Variants in SCP2 observed in about 807,000 individuals in gnomAD.
SCP2 encodes the protein SCP-2/3-oxoacyl-CoA thiolase.
SCP2 carries 48 observed loss-of-function variants against 71.4 expected under a neutral mutation model. That is an observed-to-expected ratio of 0.67 (90% confidence interval 0.53 to 0.86). The LOEUF (loss-of-function observed/expected upper bound fraction) is 0.86, where lower values mean the gene tolerates loss of function less well. SCP2 is among the 40% of genes least tolerant of loss of function. The probability of loss-of-function intolerance (pLI) is 0.00; values close to 1 mark genes in which losing one functional copy is unlikely to be tolerated. For synonymous variants in SCP2, 220 were observed against 218.1 expected (o/e 1.01, Z -0.08); for missense variants, 560 against 655.6 (o/e 0.85, Z 1.59).
intron 14 of SCP2, among the ~76,000 whole-genome samples, chr1:53,044,684 G>C (rs189583969): frequency 1.8e-3 from 273 of 152,318 alleles, no homozygotes; most frequent in African/African-American, 6.3e-3. Context: ...TTCTTAATGA[G>C]AGGAGGAGCC....
At chr1:52,956,561 A>G (rs1655809495) in intron 5 of SCP2, among the ~76,000 whole-genome samples, 1 of 152,180 alleles carries the variant, frequency 6.6e-6, no homozygotes, top group Non-Finnish European at 1.5e-5. Flanking sequence ...GATCTTAAAG[A>G]TAATTTAGGA....
chr1:53,011,264 A>C (rs993242634), intron 11 of SCP2, among the ~76,000 whole-genome samples: 2 of 152,224 alleles, frequency 1.3e-5, no homozygotes, highest in East Asian at 3.8e-4. Context: ...CTGTCTTGAT[A>C]GTATAGGAAG....
At chr1:52,945,230 C>T (rs868091352) in intron 2 of SCP2, among the ~76,000 whole-genome samples, 1 of 151,966 alleles carries the variant, frequency 6.6e-6, no homozygotes, top group Non-Finnish European at 1.5e-5. Context: ...ACTATGCTGC[C>T]CAGGCTGGAG....
intron 5 of SCP2, among the ~76,000 whole-genome samples, chr1:52,960,927 A>G (rs1422927427): frequency 6.6e-6 from 1 of 151,220 alleles, no homozygotes; most frequent in East Asian, 2.0e-4. Context: ...TAATTTATGT[A>G]TTTTTAGTAG....
At chr1:52,947,129 C>A (rs888266567) in intron 2 of SCP2, among the ~76,000 whole-genome samples, 4 of 148,556 alleles carry the variant, frequency 2.7e-5, no homozygotes, top group Non-Finnish European at 5.9e-5. Context: ...TGTCTCTTAT[C>A]CCCTCACTTT....
chr1:53,037,399 C>A (rs1437935654), intron 13 of SCP2, among the ~76,000 whole-genome samples: 1 of 152,058 alleles, frequency 6.6e-6, no homozygotes, highest in East Asian at 1.9e-4. Context: ...AGCGTATTGT[C>A]ATAGTGATCA....
At chr1:53,013,223 C>G (rs1661097747) in intron 11 of SCP2, among the ~76,000 whole-genome samples, 1 of 150,778 alleles carries the variant, frequency 6.6e-6, no homozygotes, top group South Asian at 2.1e-4. Context: ...TCAGGCCATC[C>G]TCCTTCCTCA....
At chr1:52,980,660 C>T in intron 10 of SCP2, 117 bp downstream of exon 10, 2 of 1,052,422 alleles carry the variant, frequency 1.9e-6, no homozygotes, top group South Asian at 2.6e-5. Context: ...CTCTGCCACA[C>T]TGTGGGAAAT....
chr1:52,974,685 C>A, intron 6 of SCP2, 84 bp from the exon 7 acceptor site: 1 of 788,912 alleles, frequency 1.3e-6, no homozygotes, highest in Non-Finnish European at 2.3e-6. Flanking sequence ...AGATATTTAG[C>A]AGAACACTGA....
rs144993965 is a variant in SCP2 at position 52,997,259 on chromosome 1, C to T, written c.1081+9123C>T. 6.2e-3 allele frequency among the ~76,000 whole-genome samples: 949 copies of T among 152,246 alleles called. 15 individuals carry two copies. The highest frequency in any genetic ancestry group is 0.022 in the African/African-American group (912 of 41,542). On this transcript the variant is annotated intron_variant, in intron 11 of 15. Transcript: ENST00000371514. ...TCTTGGCTCATTGCAACTTCTGCCT[C>T]CCTGGTTCAAGTGATTCTCCTGCCT...
chr1:52,975,777 G>A (rs2150165443), intron 7 of SCP2, among the ~76,000 whole-genome samples: 1 of 152,210 alleles, frequency 6.6e-6, no homozygotes, highest in Non-Finnish European at 1.5e-5. Context: ...TCCCCAACTG[G>A]TCTAACACCA....
In SCP2 at chr1:52,952,009, A is replaced by G. The variant is rs950184964; in HGVS notation, c.331+1123A>G. Among the ~76,000 whole-genome samples, 3 of 151,980 alleles carry G rather than the reference A, an allele frequency of 2.0e-5. No homozygotes were observed. The East Asian group carries it at 5.8e-4, about 29-fold the overall frequency. On this transcript the variant is annotated intron_variant, in intron 4 of 15. Coordinates refer to ENST00000371514, the MANE Select transcript of SCP2 (RefSeq NM_002979.5). ...GCTGGGATTACACCTTGGCCTCACA[A>G]AGTGAGGTGTGAGGCTTACCTTGGC...
chr1:52,974,916 C>T, intron 7 of SCP2, 84 bp downstream of exon 7: 1 of 770,042 alleles, frequency 1.3e-6, no homozygotes, highest in Non-Finnish European at 2.4e-6. Context: ...AAAGCAAATG[C>T]CAAGATCTCA....
intron 12 of SCP2, among the ~76,000 whole-genome samples, chr1:53,024,476 A>G (rs1661970454): frequency 6.6e-6 from 1 of 152,200 alleles, no homozygotes; most frequent in South Asian, 2.1e-4. Flanking sequence ...GTATTTTAAC[A>G]TAATAAAAAA....
intron 1 of SCP2, among the ~76,000 whole-genome samples, chr1:52,935,205 G>A (rs548895642): frequency 6.6e-6 from 1 of 151,902 alleles, no homozygotes; most frequent in Non-Finnish European, 1.5e-5. Context: ...GGCGGAGGTT[G>A]CAGGGAGCCG....
chr1:53,013,339 A>G (rs1661104761), intron 11 of SCP2, among the ~76,000 whole-genome samples: 1 of 149,894 alleles, frequency 6.7e-6, no homozygotes, highest in Admixed American at 6.8e-5. Flanking sequence ...TAATCCCAGC[A>G]CTTGGGGAGG....
intron 12 of SCP2, among the ~76,000 whole-genome samples, chr1:53,023,409 G>A (rs978874030): frequency 6.6e-6 from 1 of 152,134 alleles, no homozygotes; most frequent in Admixed American, 6.5e-5. Flanking sequence ...TGACCAAGAC[G>A]ATATACTGTA....
At chr1:52,982,259 G>A (rs995164408) in intron 10 of SCP2, among the ~76,000 whole-genome samples, 13 of 152,090 alleles carry the variant, frequency 8.5e-5, no homozygotes, top group Admixed American at 1.3e-4. Context: ...ATTGTCAAAT[G>A]TCTTCTGGGG....
chr1:52,975,333 A>G (rs1360898053), intron 7 of SCP2, among the ~76,000 whole-genome samples: 1 of 152,154 alleles, frequency 6.6e-6, no homozygotes, highest in East Asian at 1.9e-4. Flanking sequence ...GGCACCTGCC[A>G]CAGCACCTGG....
Sources: gnomAD v4.1 joint callset for allele counts (sites outside exome capture counted in the v4.1 genomes callset) on GRCh38, gnomAD v4.1.1 for gene constraint, MANE v1.5 for transcripts, NCBI Gene and HGNC (gene_info 2026-07-23, HGNC 2026-07-21) for gene names.